Variants in SORCS3 observed in about 807,000 individuals in gnomAD.
SORCS3 encodes sortilin related VPS10 domain containing receptor 3, also known as VPS10 domain-containing receptor SorCS3.
Under a neutral mutation model 146.3 loss-of-function variants are expected in SORCS3, and 57 were observed. That is an observed-to-expected ratio of 0.39 (90% confidence interval 0.31 to 0.49). The LOEUF (loss-of-function observed/expected upper bound fraction) is 0.49, where lower values mean the gene tolerates loss of function less well. Ranked by LOEUF, SORCS3 falls within the 20% of genes least tolerant of loss-of-function variation. The probability of loss-of-function intolerance (pLI) is 0.92; values close to 1 mark genes in which losing one functional copy is unlikely to be tolerated. For missense variants in SORCS3, 1,341 were observed against 1,575.5 expected (o/e 0.85, Z 2.52); for synonymous variants, 653 against 618.5 (o/e 1.06, Z -0.83).
intron 3 of SORCS3, among the ~76,000 whole-genome samples, chr10:104,922,352 G>A (rs1419903887): frequency 6.6e-6 from 1 of 152,218 alleles, no homozygotes; most frequent in Admixed American, 6.5e-5. Context: ...AGCAAAGTAT[G>A]TTTTGAGGGA....
chr10:104,671,073 A>ACAT (rs2015845247), intron 1 of SORCS3, among the ~76,000 whole-genome samples: 1 of 151,308 alleles, frequency 6.6e-6, no homozygotes, highest in Non-Finnish European at 1.5e-5. Flanking sequence ...TCTACATACT[A>ACAT]CATCATATCG....
intron 2 of SORCS3, among the ~76,000 whole-genome samples, chr10:104,857,882 A>G (rs752639214): frequency 1.3e-5 from 2 of 152,168 alleles, no homozygotes; most frequent in Non-Finnish European, 2.9e-5. Flanking sequence ...AACTTATCCC[A>G]TTTCATTCCT....
chr10:104,789,726 T>C (rs1481295625), intron 1 of SORCS3, among the ~76,000 whole-genome samples: 2 of 152,234 alleles, frequency 1.3e-5, no homozygotes, highest in African/African-American at 4.8e-5. Context: ...ATGCATTCAG[T>C]GAAAAATTGT....
chr10:104,908,311 G>A (rs10509778), intron 2 of SORCS3, among the ~76,000 whole-genome samples: 13,274 of 152,200 alleles, frequency 0.087, 756 homozygotes, highest in South Asian at 0.25. Flanking sequence ...GATTTATTGG[G>A]TATCCGTGTG....
chr10:104,778,217 C>T (rs941146618), intron 1 of SORCS3, among the ~76,000 whole-genome samples: 11 of 152,086 alleles, frequency 7.2e-5, no homozygotes, highest in African/African-American at 2.2e-4. Flanking sequence ...GTCATATGTA[C>T]CCTCAAAGTT....
At chr10:105,173,261 G>A (rs1436024975) in intron 13 of SORCS3, among the ~76,000 whole-genome samples, 4 of 151,958 alleles carry the variant, frequency 2.6e-5, no homozygotes, top group East Asian at 1.9e-4. Context: ...GCAGTGAGCC[G>A]AGATCGACTC....
At chr10:104,914,249 T>A (rs2019000278) in intron 2 of SORCS3, among the ~76,000 whole-genome samples, 1 of 152,174 alleles carries the variant, frequency 6.6e-6, no homozygotes, top group Non-Finnish European at 1.5e-5. Flanking sequence ...GGAGCCTACA[T>A]TGTGCTTGGG....
intron 2 of SORCS3, among the ~76,000 whole-genome samples, chr10:104,852,777 A>T (rs758907660): frequency 9.2e-5 from 14 of 152,184 alleles, no homozygotes; most frequent in Non-Finnish European, 1.8e-4. Flanking sequence ...CTTTATAATG[A>T]CGACCATAAA....
At chr10:104,807,667 G>A (rs539036609) in intron 1 of SORCS3, among the ~76,000 whole-genome samples, 2 of 152,020 alleles carry the variant, frequency 1.3e-5, no homozygotes, top group South Asian at 2.1e-4. Flanking sequence ...TTTTTGAAAC[G>A]TGAGGCTGAT....
At chr10:105,218,617 C>T (rs547677391) in intron 19 of SORCS3, among the ~76,000 whole-genome samples, 1 of 152,326 alleles carries the variant, frequency 6.6e-6, no homozygotes, top group South Asian at 2.1e-4. Context: ...TTCATGAGCC[C>T]AGGCTTCAGA....
intron 20 of SORCS3, among the ~76,000 whole-genome samples, chr10:105,242,566 A>G (rs1310506208): frequency 2.6e-5 from 1 of 38,690 alleles, no homozygotes; most frequent in East Asian, 1.6e-3. Context: ...ACATTTATAT[A>G]TATTTATATA....
intron 4 of SORCS3, among the ~76,000 whole-genome samples, chr10:104,993,299 G>A (rs370721995): frequency 1.3e-5 from 2 of 152,206 alleles, no homozygotes; most frequent in East Asian, 3.8e-4. Context: ...CTTCCTTTGT[G>A]GTTGTTCTTC....
Position 105,245,658 on chromosome 10 carries a change from A to G in SORCS3, c.2985A>G (p.Ala995=), listed in dbSNP as rs1356345207. The change falls in exon 21 of 27, where the codon GCA becomes GCG. Residue 995 remains alanine, a synonymous_variant. Coordinates refer to ENST00000369701, the MANE Select transcript of SORCS3 (RefSeq NM_014978.3). ...NALIQDTKEI[A]VHEYFQSQLL... ...TCATCCAGGACACAAAAGAGATTGC[A>G]GTTCATGGTAAGCCCTGAAAATTGT... 1 of 1,614,044 alleles carries G rather than the reference A, an allele frequency of 6.2e-7. No homozygotes were observed.
intron 3 of SORCS3, among the ~76,000 whole-genome samples, chr10:104,918,170 A>G (rs1368375193): frequency 3.3e-5 from 5 of 152,156 alleles, no homozygotes; most frequent in Middle Eastern, 3.2e-3. Context: ...CTCTCTAGAA[A>G]TATGCCTATG....
chr10:104,765,713 AG>A (rs1192193957), intron 1 of SORCS3, among the ~76,000 whole-genome samples: 1 of 152,232 alleles, frequency 6.6e-6, no homozygotes, highest in Non-Finnish European at 1.5e-5. Flanking sequence ...AAACTCCCAA[AG>A]CTCTCGCACT....
At chr10:105,135,775 A>G (rs1383461345) in intron 7 of SORCS3, among the ~76,000 whole-genome samples, 2 of 152,224 alleles carry the variant, frequency 1.3e-5, no homozygotes, top group Admixed American at 6.5e-5. Context: ...TTGCCGCTTT[A>G]TAGCAAGGAT....
At chr10:104,647,903 A>C (rs2015513750) in intron 1 of SORCS3, among the ~76,000 whole-genome samples, 1 of 152,216 alleles carries the variant, frequency 6.6e-6, no homozygotes, top group Non-Finnish European at 1.5e-5. Context: ...ACACCCCCAT[A>C]AGACATTCAT....
At chr10:105,057,512 A>G (rs928372040) in intron 5 of SORCS3, among the ~76,000 whole-genome samples, 3 of 152,160 alleles carry the variant, frequency 2.0e-5, no homozygotes, top group African/African-American at 7.2e-5. Context: ...CCATTGTTTT[A>G]GGAGGATGCC....
At chr10:104,818,410 CTCTT>C (rs2017832377) in intron 1 of SORCS3, among the ~76,000 whole-genome samples, 1 of 92,888 alleles carries the variant, frequency 1.1e-5, no homozygotes, top group South Asian at 4.2e-4. Flanking sequence ...CCTTCTTTCT[CTCTT>C]TTTTTTTTGG....
Sources: gnomAD v4.1 joint callset for allele counts (sites outside exome capture counted in the v4.1 genomes callset) on GRCh38, gnomAD v4.1.1 for gene constraint, MANE v1.5 for transcripts, NCBI Gene and HGNC (gene_info 2026-07-23, HGNC 2026-07-21) for gene names.